Variants in SS18L1 observed in about 807,000 individuals in gnomAD.
The protein encoded by SS18L1 is calcium-responsive transactivator.
Under a neutral mutation model 70.3 loss-of-function variants are expected in SS18L1, and 32 were observed. That is an observed-to-expected ratio of 0.46 (90% CI 0.34 to 0.61). The LOEUF (loss-of-function observed/expected upper bound fraction) is 0.61. SS18L1 is among the 20% of genes least tolerant of loss of function. The pLI is 0.01. For synonymous variants in SS18L1, 237 were observed against 229.7 expected (o/e 1.03, Z -0.29); for missense variants, 430 against 542.1 (o/e 0.79, Z 2.05).
intron 1 of SS18L1, among the ~76,000 whole-genome samples, chr20:62,146,752 TG>T (rs1262907345): frequency 6.6e-6 from 1 of 152,052 alleles, no homozygotes; most frequent in Non-Finnish European, 1.5e-5. Context: ...CCTGAGTAGC[TG>T]GGATTATAGG....
chr20:62,158,991 G>A lies in SS18L1; in HGVS notation c.146+243G>A, dbSNP rs756851740. ...CCAGCACGGAGGCCAGATATGTCCC[G>A]AGAGTCCCCCAGCACGGAGGCCAGA... On this transcript the variant is annotated intron_variant, in intron 2 of 10. Transcript: ENST00000331758. The surrounding 1 kb of genome is among the most constrained non-coding windows in gnomAD (Gnocchi z 4.5). 1.5e-5 allele frequency: 23 copies of A among 1,518,174 alleles called. No individual in the cohort carries two copies. The highest frequency in any genetic ancestry group is 5.3e-5 in the Admixed American group (3 of 56,350). 94.0% of individuals were successfully genotyped at this position (1,518,174 alleles called of 1,614,324 possible). A position where few individuals can be genotyped will look rare whatever the true frequency, so the allele number is the denominator to read the frequency against.
In SS18L1 at chr20:62,182,172, A is replaced by G; in HGVS notation, c.*2964A>G. 4.4e-6 allele frequency: 1 copy of G among 224,726 alleles called. No individual in the cohort carries two copies. Among genetic ancestry groups the G allele is most frequent in the African/African-American group, 2.2e-5 (1 of 44,906 alleles). The allele number at this position is 224,726 out of a possible 1,614,324, so 13.9% of individuals were successfully genotyped here. A position where few individuals can be genotyped will look rare whatever the true frequency, so the allele number is the denominator to read the frequency against. ...ACAAGATCTCCTAAGATCTGAAAAG[A>G]AACCTTAATACGCTCATATGGTTGG... On this transcript the variant is annotated 3_prime_UTR_variant, in exon 11 of 11. Transcript: ENST00000331758.
chr20:62,159,312 G>A lies in SS18L1; in HGVS notation c.146+564G>A, dbSNP rs530484427. 1.3e-5 allele frequency among the ~76,000 whole-genome samples: 2 copies of A among 152,230 alleles called. No individual in the cohort carries two copies. Among genetic ancestry groups the A allele is most frequent in the Non-Finnish European group, 2.9e-5 (2 of 68,028 alleles). On this transcript the variant is annotated intron_variant, in intron 2 of 10. Coordinates refer to ENST00000331758, the MANE Select transcript of SS18L1 (RefSeq NM_198935.3). The surrounding 1 kb of genome is among the most constrained non-coding windows in gnomAD (Gnocchi z 4.4). Reference sequence around the variant, plus strand: ...CACCCTCCAAGCGGCTGTCCAAGTGGCCGTCAGACTGACCTGGAGGTGGGA... The same window carrying A: ...CACCCTCCAAGCGGCTGTCCAAGTGACCGTCAGACTGACCTGGAGGTGGGA...
chr20:62,170,225 G>T (rs1168155919), intron 8 of SS18L1, among the ~76,000 whole-genome samples: 3 of 152,354 alleles, frequency 2.0e-5, no homozygotes, highest in Admixed American at 1.3e-4. Context: ...AAAGAAAAGA[G>T]CTGGGCACGG....
At chr20:62,150,943 G>A (rs1308701940) in intron 1 of SS18L1, among the ~76,000 whole-genome samples, 1 of 152,078 alleles carries the variant, frequency 6.6e-6, no homozygotes, top group African/African-American at 2.4e-5. Flanking sequence ...GGAGCCAGGG[G>A]TTCCTCCTGC....
At chr20:62,151,977 GGTCCCC>G (rs2057141185) in intron 1 of SS18L1, among the ~76,000 whole-genome samples, 1 of 138,576 alleles carries the variant, frequency 7.2e-6, no homozygotes, top group Non-Finnish European at 1.5e-5. Flanking sequence ...CTCTTTTCCC[GGTCCCC>G]AGGGCTGGCC....
At chr20:62,155,544 T>C (rs557122568) in intron 1 of SS18L1, among the ~76,000 whole-genome samples, 3 of 152,350 alleles carry the variant, frequency 2.0e-5, no homozygotes, top group African/African-American at 7.2e-5. Context: ...TTCTGCGGAT[T>C]GGAGGCCGGG....
chr20:62,165,669 T>A (rs1334455239), intron 8 of SS18L1, among the ~76,000 whole-genome samples, 155 bp downstream of exon 8: 1 of 152,186 alleles, frequency 6.6e-6, no homozygotes, highest in Non-Finnish European at 1.5e-5. Context: ...TTCTGGAAGC[T>A]GGAAATTCAG....
chr20:62,160,256 C>T (rs371760974), intron 3 of SS18L1, among the ~76,000 whole-genome samples: 11 of 97,338 alleles, frequency 1.1e-4, no homozygotes, highest in East Asian at 2.6e-4. Context: ...GCTCTCGGGT[C>T]GGGGGTGGGG....
intron 9 of SS18L1, among the ~76,000 whole-genome samples, chr20:62,173,748 G>T (rs2057572282): frequency 6.6e-6 from 1 of 152,126 alleles, no homozygotes; most frequent in African/African-American, 2.4e-5. Context: ...CAGTGTGGTG[G>T]CTCATGTCTA....
chr20:62,179,211 GAC>G lies in SS18L1; in HGVS notation c.*9_*10del, dbSNP rs748117060. 16 of 1,614,060 alleles carry G rather than the reference GAC, an allele frequency of 9.9e-6. No homozygotes were observed. Among genetic ancestry groups the G allele is most frequent in the Non-Finnish European group, 1.4e-5 (16 of 1,180,020 alleles). On this transcript the variant is annotated 3_prime_UTR_variant, in exon 11 of 11. Transcript: ENST00000331758. ...AGTATGGAAATTACCAGCAGTAAGG[GAC>G]ACACATTCTGGCTGGAGCCCTTGTG...
rs910953061 is a variant in SS18L1 at position 62,154,516 on chromosome 20, C to T, written c.70-4156C>T. 2.9e-6 allele frequency: 3 copies of T among 1,017,514 alleles called. No homozygotes were observed. The African/African-American group carries it at 5.1e-5, about 17-fold the overall frequency. 63.0% of individuals were successfully genotyped at this position (1,017,514 alleles called of 1,614,324 possible). A position where few individuals can be genotyped will look rare whatever the true frequency, so the allele number is the denominator to read the frequency against. On this transcript the variant is annotated intron_variant, in intron 1 of 10. Coordinates refer to ENST00000331758, the MANE Select transcript of SS18L1 (RefSeq NM_198935.3). ...TCCCTCAGGCCAGGCCATCGGCCCC[C>T]CAGAGGTCTCCGTTGGGACTGGGTC...
intron 9 of SS18L1, among the ~76,000 whole-genome samples, chr20:62,173,777 A>T (rs1732555356): frequency 2.6e-5 from 4 of 152,122 alleles, no homozygotes; most frequent in African/African-American, 4.8e-5. Flanking sequence ...GCACTTTGGG[A>T]GGCTGAGGCA....
At chr20:62,160,852 T>A (rs947244536) in intron 3 of SS18L1, among the ~76,000 whole-genome samples, 3 of 152,116 alleles carry the variant, frequency 2.0e-5, no homozygotes, top group Non-Finnish European at 4.4e-5. Context: ...TGGCCAGGTG[T>A]AGACAGCATG....
intron 1 of SS18L1, among the ~76,000 whole-genome samples, chr20:62,150,553 C>A (rs1188246160): frequency 7.0e-6 from 1 of 142,168 alleles, no homozygotes; most frequent in African/African-American, 2.5e-5. Context: ...GGAACAATTT[C>A]AATGTCTGTC....
intron 1 of SS18L1, among the ~76,000 whole-genome samples, chr20:62,156,442 A>G (rs1035934083): frequency 2.0e-5 from 3 of 152,034 alleles, no homozygotes; most frequent in South Asian, 2.1e-4. Flanking sequence ...CCTCGGCCCC[A>G]TTGGGCTCAG....
chr20:62,151,936 C>T (rs2057139467), intron 1 of SS18L1, among the ~76,000 whole-genome samples: 1 of 148,320 alleles, frequency 6.7e-6, no homozygotes, highest in Non-Finnish European at 1.5e-5. Flanking sequence ...TCCTCTTTTC[C>T]CTCTCCCCAG....
chr20:62,176,091 A>C (rs150836215), intron 10 of SS18L1, among the ~76,000 whole-genome samples: 183 of 152,370 alleles, frequency 1.2e-3, no homozygotes, highest in African/African-American at 4.3e-3. Flanking sequence ...ATTATATGTG[A>C]ATGATTCTGA....
At chr20:62,149,742 A>G (rs984803206) in intron 1 of SS18L1, among the ~76,000 whole-genome samples, 5 of 152,252 alleles carry the variant, frequency 3.3e-5, no homozygotes, top group South Asian at 4.1e-4. Flanking sequence ...CAGGCACTCA[A>G]CGAGCAAGGA....
Sources: gnomAD v4.1 joint callset for allele counts (sites outside exome capture counted in the v4.1 genomes callset) on GRCh38, gnomAD v4.1.1 for gene constraint, Gnocchi (gnomAD v3.1) non-coding constraint, MANE v1.5 for transcripts, NCBI Gene and HGNC (gene_info 2026-07-23, HGNC 2026-07-21) for gene names.